UMAD1: variants seen among roughly 807,000 people sequenced by gnomAD.
UMAD1 encodes the protein UBAP1-MVB12-associated (UMA)-domain containing protein 1.
Under a neutral mutation model 6.1 loss-of-function variants are expected in UMAD1, and 8 were observed. The observed-to-expected ratio is 1.30, with a 90% confidence interval of 0.76 to 2.35. UMAD1 has a LOEUF of 2.35. UMAD1 is among the 30% of genes most tolerant of loss of function. UMAD1 has a pLI of 0.00. For synonymous variants in UMAD1, 56 were observed against 31.4 expected (o/e 1.78, Z -2.61); for missense variants, 130 against 78.4 (o/e 1.66, Z -2.49).
At chr7:7,763,989 G>A (rs17137430) in intron 2 of UMAD1, among the ~76,000 whole-genome samples, 5,929 of 152,234 alleles carry the variant, frequency 0.039, 132 homozygotes, top group Middle Eastern at 0.092. Context: ...ATACCAAAAA[G>A]GTTTAGAAAT....
intron 2 of UMAD1, among the ~76,000 whole-genome samples, chr7:7,788,122 A>G (rs868663622): frequency 6.6e-6 from 1 of 152,334 alleles, no homozygotes; most frequent in East Asian, 1.9e-4. Flanking sequence ...TATTGTCCTC[A>G]TGGAACTGAT....
chr7:7,660,455 A>G (rs527778937), intron 1 of UMAD1, among the ~76,000 whole-genome samples: 1 of 152,080 alleles, frequency 6.6e-6, no homozygotes, highest in African/African-American at 2.4e-5. Flanking sequence ...GTTCCTTTCC[A>G]TGTTTAGTGT....
chr7:7,646,719 G>A (rs1785103728), intron 1 of UMAD1, among the ~76,000 whole-genome samples: 1 of 151,984 alleles, frequency 6.6e-6, no homozygotes, highest in Non-Finnish European at 1.5e-5. Context: ...TTCCCTTGGA[G>A]TTCGGCTGTC....
intron 2 of UMAD1, among the ~76,000 whole-genome samples, chr7:7,728,563 G>A (rs1781188298): frequency 6.6e-6 from 1 of 151,610 alleles, no homozygotes; most frequent in Non-Finnish European, 1.5e-5. Context: ...AGAATCACTT[G>A]AACCCGGGAG....
chr7:7,760,917 T>C (rs1427090616), intron 2 of UMAD1, among the ~76,000 whole-genome samples: 1 of 152,168 alleles, frequency 6.6e-6, no homozygotes, highest in African/African-American at 2.4e-5. Flanking sequence ...GACTGAAGTA[T>C]GGAGAAATTA....
chr7:7,842,332 T>C (rs1463959854), intron 3 of UMAD1, among the ~76,000 whole-genome samples: 1 of 152,190 alleles, frequency 6.6e-6, no homozygotes, highest in African/African-American at 2.4e-5. Flanking sequence ...ATAATGGTTT[T>C]TATCATCGTT....
chr7:7,641,618 A>T (rs868568575), intron 1 of UMAD1: 1 of 152,242 alleles, frequency 6.6e-6, no homozygotes, highest in Non-Finnish European at 1.5e-5. Context: ...GTAGTCTCCA[A>T]TCTGTCCCTG....
At chr7:7,760,083 A>G (rs1342204454) in intron 2 of UMAD1, among the ~76,000 whole-genome samples, 1 of 152,116 alleles carries the variant, frequency 6.6e-6, no homozygotes, top group East Asian at 1.9e-4. Flanking sequence ...TTTCTGGAAC[A>G]CTTGCTCTTG....
At chr7:7,687,638 A>C (rs1181270406) in intron 2 of UMAD1, among the ~76,000 whole-genome samples, 3 of 152,208 alleles carry the variant, frequency 2.0e-5, no homozygotes, top group African/African-American at 7.2e-5. Flanking sequence ...ACATTATTAA[A>C]GAGAATTGCT....
chr7:7,691,994 A>G (rs1780183456), intron 2 of UMAD1, among the ~76,000 whole-genome samples: 1 of 152,236 alleles, frequency 6.6e-6, no homozygotes, highest in African/African-American at 2.4e-5. Context: ...AATGCTAGAA[A>G]CTGAGGTGAA....
At chr7:7,757,166 T>C (rs1781794805) in intron 2 of UMAD1, among the ~76,000 whole-genome samples, 3 of 152,228 alleles carry the variant, frequency 2.0e-5, no homozygotes, top group Admixed American at 1.3e-4. Context: ...CTATCAATTA[T>C]ATTATGTATT....
chr7:7,796,442 A>G (rs1241953472), intron 2 of UMAD1, among the ~76,000 whole-genome samples: 2 of 151,418 alleles, frequency 1.3e-5, no homozygotes, highest in Non-Finnish European at 2.9e-5. Context: ...TTAGAGACGG[A>G]GTTTCTCCAT....
chr7:7,689,174 TG>T (rs1479635971), intron 2 of UMAD1, among the ~76,000 whole-genome samples: 5 of 152,108 alleles, frequency 3.3e-5, no homozygotes, highest in Non-Finnish European at 7.4e-5. Flanking sequence ...GGCTTAGGAA[TG>T]GGCACCCATC....
At chr7:7,646,480 A>ATTTT (rs35948027) in intron 1 of UMAD1, among the ~76,000 whole-genome samples, 15 of 111,330 alleles carry the variant, frequency 1.3e-4, no homozygotes, top group African/African-American at 5.1e-4. Context: ...CTTTCGCTGG[A>ATTTT]TTTTTTTTTT....
At chr7:7,793,141 C>T (rs1345725082) in intron 2 of UMAD1, among the ~76,000 whole-genome samples, 3 of 152,178 alleles carry the variant, frequency 2.0e-5, no homozygotes, top group Non-Finnish European at 2.9e-5. Context: ...GACCTTACCC[C>T]GGCTTCCCAT....
chr7:7,699,057 G>GGT (rs1780391916), intron 2 of UMAD1, among the ~76,000 whole-genome samples: 1 of 150,810 alleles, frequency 6.6e-6, no homozygotes, highest in East Asian at 1.9e-4. Context: ...TGTGGGGGGG[G>GGT]GGTAGATACC....
intron 3 of UMAD1, among the ~76,000 whole-genome samples, chr7:7,813,159 C>T (rs980488459): frequency 6.6e-6 from 1 of 152,120 alleles, no homozygotes; most frequent in African/African-American, 2.4e-5. Context: ...CGTAGATTTT[C>T]CATTTTTCTC....
Position 7,710,150 on chromosome 7 carries a change from C to T in UMAD1, c.82+36697C>T, listed in dbSNP as rs573870327. ...AGTTCTTTCATTTTTATTTGACATTCCATTGATGAATATACCACAATTTAT... is the reference window on the plus strand; with the variant it reads ...AGTTCTTTCATTTTTATTTGACATTTCATTGATGAATATACCACAATTTAT... On this transcript the variant is annotated intron_variant, in intron 2 of 3. Transcript: ENST00000682710. Among the ~76,000 whole-genome samples, 10 of 152,056 alleles carry T rather than the reference C, an allele frequency of 6.6e-5. No individual in the cohort carries two copies. The South Asian group carries it at 2.1e-3, about 32-fold the overall frequency.
chr7:7,659,938 G>C (rs1785433749), intron 1 of UMAD1, among the ~76,000 whole-genome samples: 1 of 152,172 alleles, frequency 6.6e-6, no homozygotes, highest in South Asian at 2.1e-4. Flanking sequence ...TGGAGTCTAA[G>C]TCTCTTTGTA....
Sources: allele counts gnomAD v4.1 joint callset (sites outside exome capture counted in the v4.1 genomes callset), GRCh38; gene constraint gnomAD v4.1.1; transcripts MANE v1.5; gene names NCBI Gene and HGNC (gene_info 2026-07-23, HGNC 2026-07-21).